The following ZBTB20 variants were observed in gnomAD, a reference collection of about 807,000 sequenced individuals.
The protein encoded by ZBTB20 is zinc finger and BTB domain containing 20, also known as zinc finger and BTB domain-containing protein 20.
A neutral mutation model predicts 56.9 loss-of-function variants in ZBTB20; 9 were observed. The observed-to-expected ratio is 0.16, with a 90% CI of 0.10 to 0.28. The LOEUF (loss-of-function observed/expected upper bound fraction) is 0.28. Ranked by LOEUF, ZBTB20 falls within the 10% of genes least tolerant of loss-of-function variation. ZBTB20 has a pLI of 1.00. For synonymous variants in ZBTB20, 417 were observed against 420.7 expected (o/e 0.99, Z 0.11); for missense variants, 655 against 1,003.0 (o/e 0.65, Z 4.69).
At chr3:114,460,335 G>T (rs996738818) in intron 7 of ZBTB20, among the ~76,000 whole-genome samples, 5 of 152,026 alleles carry the variant, frequency 3.3e-5, no homozygotes, top group African/African-American at 1.2e-4. Context: ...CAGAACCTTT[G>T]AATGTTACCT....
chr3:114,477,489 CTTTTTTTTTT>C (rs765333264), intron 7 of ZBTB20, among the ~76,000 whole-genome samples: 2 of 109,266 alleles, frequency 1.8e-5, no homozygotes, highest in African/African-American at 3.9e-5. Context: ...GTTCCCTGCA[CTTTTTTTTTT>C]TTTTTTTTTT....
chr3:114,442,986 C>A (rs1187434898), intron 7 of ZBTB20, among the ~76,000 whole-genome samples: 3 of 152,202 alleles, frequency 2.0e-5, no homozygotes, highest in South Asian at 2.1e-4. Context: ...AATTACCATG[C>A]CATATTCAAG....
chr3:114,395,985 G>A (rs539838169), intron 7 of ZBTB20, among the ~76,000 whole-genome samples: 7 of 151,874 alleles, frequency 4.6e-5, no homozygotes, highest in Non-Finnish European at 8.8e-5. Flanking sequence ...AGATCTTTTG[G>A]ATCAGAGTAC....
At chr3:115,129,754 A>G (rs2084446351) in intron 1 of ZBTB20, among the ~76,000 whole-genome samples, 1 of 152,218 alleles carries the variant, frequency 6.6e-6, no homozygotes, top group South Asian at 2.1e-4. Context: ...TCCTGTCTCT[A>G]TACTAGAATA....
chr3:115,026,275 T>C (rs1232574335), intron 2 of ZBTB20, among the ~76,000 whole-genome samples: 3 of 151,064 alleles, frequency 2.0e-5, no homozygotes, highest in African/African-American at 7.3e-5. Context: ...TTCACTGTAC[T>C]GTGCTTACTG....
intron 5 of ZBTB20, among the ~76,000 whole-genome samples, chr3:114,755,642 A>T (rs1299236166): frequency 6.6e-6 from 1 of 151,988 alleles, no homozygotes; most frequent in Admixed American, 6.6e-5. Context: ...GCTTGCCAAC[A>T]TTACTGCGTT....
At chr3:115,034,552 A>G (rs943431365) in intron 2 of ZBTB20, among the ~76,000 whole-genome samples, 1 of 151,980 alleles carries the variant, frequency 6.6e-6, no homozygotes, top group African/African-American at 2.4e-5. Context: ...TTTTACCAAT[A>G]AAATCTATAA....
At chr3:114,707,168 T>C (rs757559602) in intron 5 of ZBTB20, among the ~76,000 whole-genome samples, 2 of 152,194 alleles carry the variant, frequency 1.3e-5, no homozygotes, top group African/African-American at 2.4e-5. Context: ...TGTTATTAAA[T>C]GGCTTGTTTA....
At chr3:114,654,933 T>C (rs2060313151) in intron 6 of ZBTB20, among the ~76,000 whole-genome samples, 1 of 152,184 alleles carries the variant, frequency 6.6e-6, no homozygotes, top group Non-Finnish European at 1.5e-5. Context: ...ATAAAGTCTA[T>C]TCTTTGTAAT....
intron 7 of ZBTB20, among the ~76,000 whole-genome samples, chr3:114,453,145 G>A (rs2109045944): frequency 6.6e-6 from 1 of 152,220 alleles, no homozygotes; most frequent in Non-Finnish European, 1.5e-5. Flanking sequence ...ATTCTGAAAT[G>A]TTTGCTACAA....
chr3:114,551,282 G>A (rs1252179046), intron 6 of ZBTB20, among the ~76,000 whole-genome samples: 3 of 152,170 alleles, frequency 2.0e-5, no homozygotes, highest in African/African-American at 4.8e-5. Context: ...TTTGCGTAAC[G>A]ATATTTACTG....
At chr3:114,626,205 A>C (rs2058651917) in intron 6 of ZBTB20, among the ~76,000 whole-genome samples, 1 of 152,232 alleles carries the variant, frequency 6.6e-6, no homozygotes, top group South Asian at 2.1e-4. Context: ...GGGTAAGGAA[A>C]TGTAAAATAA....
chr3:115,120,728 GA>G (rs1359899358), intron 1 of ZBTB20, among the ~76,000 whole-genome samples: 3 of 152,042 alleles, frequency 2.0e-5, no homozygotes, highest in African/African-American at 7.2e-5. Flanking sequence ...TAGTTCACGA[GA>G]AAGCTGGAAC....
In ZBTB20 at chr3:114,628,067, C is replaced by CCATA. The variant is rs2058741642; in HGVS notation, c.-295+65457_-295+65460dup. Among the ~76,000 whole-genome samples the CCATA allele has an allele frequency of 2.0e-5, 3 of 152,186 alleles. No individual in the cohort carries two copies. In the South Asian group the frequency reaches 6.2e-4, roughly 31 times the overall value. ...ATGATAGGGTAGGACTGCATAAACT[C>CCATA]CATAGTCTCTGCCAACACTAAGATT... is the stretch of plus-strand genomic sequence containing the variant. On this transcript the variant is annotated intron_variant, in intron 6 of 11. Coordinates refer to ENST00000675478, the MANE Select transcript of ZBTB20 (RefSeq NM_001348800.3).
At chr3:114,782,714 A>G (rs1308071785) in intron 5 of ZBTB20, among the ~76,000 whole-genome samples, 2 of 152,204 alleles carry the variant, frequency 1.3e-5, no homozygotes, top group African/African-American at 4.8e-5. Context: ...TTAATTATAG[A>G]TGGTGGAATT....
At chr3:114,731,763 T>C (rs1368775973) in intron 5 of ZBTB20, among the ~76,000 whole-genome samples, 1 of 151,778 alleles carries the variant, frequency 6.6e-6, no homozygotes, top group Non-Finnish European at 1.5e-5. Flanking sequence ...CTAACCCGGC[T>C]GTACCTAGAT....
At chr3:114,693,301 T>G (rs1216836925) in intron 6 of ZBTB20, among the ~76,000 whole-genome samples, 1 of 152,178 alleles carries the variant, frequency 6.6e-6, no homozygotes, top group African/African-American at 2.4e-5. Flanking sequence ...TCATGTTTCT[T>G]ATTCTTCTAA....
At chr3:114,847,875 CAATG>C (rs1243207396) in intron 4 of ZBTB20, among the ~76,000 whole-genome samples, 1 of 152,138 alleles carries the variant, frequency 6.6e-6, no homozygotes, top group African/African-American at 2.4e-5. Flanking sequence ...GGCTCACTAT[CAATG>C]TGAATTAACT....
chr3:114,922,349 A>C (rs2107762214), intron 3 of ZBTB20, among the ~76,000 whole-genome samples: 1 of 152,276 alleles, frequency 6.6e-6, no homozygotes, highest in South Asian at 2.1e-4. Flanking sequence ...GCAAGAAAAA[A>C]ATTGGAAAGG....
Sources: gnomAD v4.1 joint callset for allele counts (sites outside exome capture counted in the v4.1 genomes callset) on GRCh38, gnomAD v4.1.1 for gene constraint, MANE v1.5 for transcripts, NCBI Gene and HGNC (gene_info 2026-07-23, HGNC 2026-07-21) for gene names.